NOL11: variants seen among roughly 807,000 people sequenced by gnomAD.
NOL11 encodes nucleolar protein 11.
NOL11 carries 42 observed loss-of-function variants against 93.0 expected under a neutral mutation model. That is an observed-to-expected ratio of 0.45 (90% CI 0.35 to 0.58). The LOEUF (loss-of-function observed/expected upper bound fraction) is 0.58. Ranked by LOEUF, NOL11 falls within the 20% of genes least tolerant of loss-of-function variation. The pLI, the probability that NOL11 is intolerant of heterozygous loss-of-function variation, is 0.00. For synonymous variants in NOL11, 296 were observed against 293.7 expected (o/e 1.01, Z -0.08); for missense variants, 775 against 841.8 (o/e 0.92, Z 0.98).
chr17:67,741,599 C>A (rs1242475495), intron 16 of NOL11, among the ~76,000 whole-genome samples: 1 of 151,662 alleles, frequency 6.6e-6, no homozygotes, highest in Non-Finnish European at 1.5e-5. Context: ...TGAGACAGAG[C>A]CTTGCCCTGT....
In NOL11 at chr17:67,717,985, T is replaced by C. The variant is rs141463954; in HGVS notation, c.38T>C (p.Val13Ala). 8 of 1,614,074 alleles carry C rather than the reference T, an allele frequency of 5.0e-6. No individual in the cohort carries two copies. The African/African-American group carries it at 8.0e-5, about 16-fold the overall frequency. ...GAGGAAGAATTCACGTTGTCTTCGGTAGTCCTGAGCGCCGGGCCTGAAGGA... is the reference window on the plus strand; with the variant it reads ...GAGGAAGAATTCACGTTGTCTTCGGCAGTCCTGAGCGCCGGGCCTGAAGGA... The part of the protein sequence containing the change: ...ALEEEFTLSS[V>A]VLSAGPEGLL... Residue 13 changes from valine (V) to alanine (A), a missense_variant, in exon 1 of 18, where the codon GTA becomes GCA. Physicochemically the swap from Val to Ala is moderately conservative, Grantham distance 64. This residue lies in a region of NOL11 where 359 missense variants were observed against 316.5 expected (regional missense o/e 1.13). Transcript: ENST00000253247.
At position 67,743,811 on chromosome 17, in the gene NOL11, AAAG is replaced by A; in HGVS notation, c.2115_2117del (p.Lys705del). 6.4e-7 allele frequency: 1 copy of A among 1,551,700 alleles called. No individual in the cohort carries two copies. Among genetic ancestry groups the A allele is most frequent in the Non-Finnish European group, 8.7e-7 (1 of 1,153,772 alleles). On this transcript the variant is annotated inframe_deletion, in exon 18 of 18. Transcript: ENST00000253247. ...GGGAGCTACAGAAATTAAATCAAGA[AAAG>A]AATAATAGAGGATTATATTCAATTG...
At chr17:67,725,432 T>G (rs2055082739) in intron 6 of NOL11, among the ~76,000 whole-genome samples, 1 of 152,116 alleles carries the variant, frequency 6.6e-6, no homozygotes. Context: ...CCCTCTCCCC[T>G]CCACCCTTCA....
rs538890827 is a variant in NOL11, at chr17:67,742,002, C to G, written c.1936-1477C>G. 2.0e-5 allele frequency among the ~76,000 whole-genome samples: 3 copies of G among 152,206 alleles called. No homozygotes were observed. In the South Asian group the frequency reaches 6.2e-4, roughly 32 times the overall value. ...CCTCTATTGATGGTCATTTGTTTAC[C>G]ATTTTTTGCTGTTGTAAATCTTCAG... On this transcript the variant is annotated intron_variant, in intron 16 of 17. Transcript: ENST00000253247.
intron 5 of NOL11, among the ~76,000 whole-genome samples, 159 bp downstream of exon 5, chr17:67,722,796 A>G (rs2043228396): frequency 6.6e-6 from 1 of 151,998 alleles, no homozygotes; most frequent in Non-Finnish European, 1.5e-5. Context: ...CAGTCCTCCC[A>G]CTTCAGCCTG....
In NOL11 at chr17:67,722,549, C is replaced by T. The variant is rs372973814; in HGVS notation, c.462-31C>T. 9 of 1,558,484 alleles carry T rather than the reference C, an allele frequency of 5.8e-6. 1 individual carries two copies. The highest frequency in any genetic ancestry group is 7.7e-6 in the Non-Finnish European group (9 of 1,162,320). ...GTCTCCCAGCTGGTGATTTTTGCAT[C>T]CTATAATTTTTCTTTTTTCTTTTTT... is the stretch of plus-strand genomic sequence containing the variant. On this transcript the variant is annotated intron_variant, in intron 4 of 17. Coordinates refer to ENST00000253247, the MANE Select transcript of NOL11 (RefSeq NM_015462.5).
rs752173975 is a variant in NOL11, at chr17:67,738,319, C to T, written c.1727C>T (p.Thr576Ile). 3 of 1,613,550 alleles carry T rather than the reference C, an allele frequency of 1.9e-6. No homozygotes were observed. The highest frequency in any genetic ancestry group is 2.5e-6 in the Non-Finnish European group (3 of 1,179,796). ...KKPQDETKES[T>I]SCPVVQKRAA... ...CCCCAGGACGAAACAAAGGAGAGCACTTCATGCCCTGTGGTACAAAAAAGA... is the reference window on the plus strand; with the variant it reads ...CCCCAGGACGAAACAAAGGAGAGCATTTCATGCCCTGTGGTACAAAAAAGA... Residue 576 changes from threonine (T) to isoleucine (I), a missense_variant, in exon 14 of 18, where the codon ACT becomes ATT. Physicochemically the swap from Thr to Ile is moderately conservative, Grantham distance 89. Transcript: ENST00000253247.
At chr17:67,735,461 T>C (rs2055192573) in intron 8 of NOL11, among the ~76,000 whole-genome samples, 2 of 152,044 alleles carry the variant, frequency 1.3e-5, no homozygotes, top group African/African-American at 4.8e-5. Flanking sequence ...TACAAACTTT[T>C]TTTTATTTCC....
At chr17:67,726,677 C>T (rs994388967) in intron 7 of NOL11, 29 bp downstream of exon 7, 4 of 1,503,762 alleles carry the variant, frequency 2.7e-6, no homozygotes, top group South Asian at 2.5e-5. Flanking sequence ...ATTAAGAAGG[C>T]CTTTGTATGT....
intron 16 of NOL11, among the ~76,000 whole-genome samples, chr17:67,742,411 C>A (rs2055264813): frequency 1.3e-5 from 2 of 152,028 alleles, no homozygotes; most frequent in African/African-American, 4.8e-5. Context: ...ATAAAAAGTT[C>A]CTTTTATATT....
intron 3 of NOL11, chr17:67,720,468 AT>A (rs1053502523): frequency 6.6e-6 from 1 of 152,172 alleles, no homozygotes; most frequent in African/African-American, 2.4e-5. Context: ...TGTCCAGCTA[AT>A]TTTGTATTTT....
intron 8 of NOL11, among the ~76,000 whole-genome samples, chr17:67,735,185 G>A (rs1205346365): frequency 2.6e-5 from 4 of 152,142 alleles, no homozygotes; most frequent in Non-Finnish European, 4.4e-5. Flanking sequence ...TTTTTCTCCA[G>A]TGTATTTTCA....
chr17:67,740,326 T>TA (rs2055243716), intron 16 of NOL11, among the ~76,000 whole-genome samples: 1 of 151,218 alleles, frequency 6.6e-6, no homozygotes, highest in East Asian at 2.0e-4. Flanking sequence ...AAATAATACT[T>TA]ATGCTGGGTG....
At chr17:67,718,228 C>A in intron 1 of NOL11, 140 bp downstream of exon 1, 2 of 1,165,290 alleles carry the variant, frequency 1.7e-6, no homozygotes, top group Non-Finnish European at 1.2e-6. Context: ...CTGTTGGGGA[C>A]GCTGAGTGAG....
intron 7 of NOL11, among the ~76,000 whole-genome samples, chr17:67,732,251 G>A (rs1042962597): frequency 6.6e-6 from 1 of 152,110 alleles, no homozygotes; most frequent in Non-Finnish European, 1.5e-5. Flanking sequence ...GGAGGCCAAG[G>A]TGGCCGGATC....
intron 4 of NOL11, among the ~76,000 whole-genome samples, chr17:67,721,943 C>T (rs1206569622): frequency 6.6e-6 from 1 of 152,254 alleles, no homozygotes; most frequent in Non-Finnish European, 1.5e-5. Flanking sequence ...GATAGAAGGA[C>T]ACTTCATGAT....
In NOL11 at chr17:67,719,781, T is replaced by C. The variant is rs1599033469; in HGVS notation, c.249T>C (p.Asp83=). 4 of 1,591,080 alleles carry C rather than the reference T, an allele frequency of 2.5e-6. No homozygotes were observed. Among genetic ancestry groups the C allele is most frequent in the African/African-American group, 1.3e-5 (1 of 74,404 alleles). Residue 83 remains aspartate (D), a synonymous_variant, in exon 2 of 18, where the codon GAT becomes GAC. Transcript: ENST00000253247. ...FQTGEYVVVH[D]NKVLRIWNNE... ...CTGGAGAGTATGTTGTTGTACACGA[T>C]AATAAGGTGAGTTTTAAAACTTTTG...
chr17:67,722,094 A>G lies in NOL11; in HGVS notation c.462-486A>G, dbSNP rs1042875316. On this transcript the variant is annotated intron_variant, in intron 4 of 17. Transcript: ENST00000253247. ...TACAACGTGGCCAATAACCAGTTAT[A>G]TATTAGACTGACCTGATGAATCCCT... Among the ~76,000 whole-genome samples the G allele has an allele frequency of 3.9e-5, 6 of 152,332 alleles. No homozygotes were observed. In the East Asian group the frequency reaches 5.8e-4, roughly 15 times the overall value.
chr17:67,727,121 TC>T (rs1267095970), intron 7 of NOL11: 1 of 153,730 alleles, frequency 6.5e-6, no homozygotes, highest in East Asian at 1.9e-4. Flanking sequence ...CCGCCAGACT[TC>T]CTAGTCAGTC....
Sources: gnomAD v4.1 joint callset for allele counts (sites outside exome capture counted in the v4.1 genomes callset) on GRCh38, gnomAD v4.1.1 for gene constraint, gnomAD v4.1.1 regional missense constraint, MANE v1.5 for transcripts, NCBI Gene and HGNC (gene_info 2026-07-23, HGNC 2026-07-21) for gene names.